The following TRPM1 variants were observed in gnomAD, a reference collection of about 807,000 sequenced individuals.
TRPM1 encodes the protein transient receptor potential cation channel subfamily M member 1.
A neutral mutation model predicts 149.4 loss-of-function variants in TRPM1; 113 were observed. That is an observed-to-expected ratio of 0.76 (90% CI 0.65 to 0.88). The LOEUF (loss-of-function observed/expected upper bound fraction) is 0.88, where lower values mean the gene tolerates loss of function less well. Among genes scored for constraint, TRPM1 ranks in the 40% least tolerant of loss-of-function variants. TRPM1 has a pLI of 0.00. For missense variants in TRPM1, 1,976 were observed against 2,038.7 expected, an observed-to-expected ratio of 0.97 and a Z score of 0.59; for synonymous variants, 741 against 759.5, an observed-to-expected ratio of 0.98 and a Z score of 0.40.
chr15:31,079,078 A>G (rs2338863), intron 2 of TRPM1, among the ~76,000 whole-genome samples: 70,656 of 152,008 alleles, frequency 0.46, 17,081 homozygotes, highest in East Asian at 0.78. Flanking sequence ...AGCTAAAATT[A>G]AAGTTATCAG....
chr15:31,043,697 C>T (rs1277144707), intron 16 of TRPM1, among the ~76,000 whole-genome samples: 1 of 151,946 alleles, frequency 6.6e-6, no homozygotes, highest in East Asian at 1.9e-4. Context: ...CATAGATTTT[C>T]AAGAATATAT....
chr15:31,021,476 G>A (rs183826769), intron 27 of TRPM1, among the ~76,000 whole-genome samples: 3 of 152,228 alleles, frequency 2.0e-5, no homozygotes, highest in South Asian at 2.1e-4. Flanking sequence ...CGGGAGGACC[G>A]CTTGAGGCCA....
In TRPM1 at chr15:31,076,948, G is replaced by T. The variant is rs944717036; in HGVS notation, c.40C>A (p.Arg14=). ...KSWIEKTFCK[R]ECIFVIPSMK... is the part of the protein sequence containing the mutation. ...CTAGGAATTACAAAGATACATTCCC[G>T]TTTGCAAAAGGTTTTCTCTATCCAA... Residue 14 remains arginine, a synonymous_variant, in exon 3 of 28, where the codon CGG becomes AGG. Transcript: ENST00000256552. 6.2e-7 allele frequency: 1 copy of T among 1,612,536 alleles called. No individual in the cohort carries two copies. Among genetic ancestry groups the T allele is most frequent in the Admixed American group, 1.7e-5 (1 of 60,014 alleles).
chr15:31,026,263 G>C lies in TRPM1; in HGVS notation c.3505C>G (p.Leu1169Val), dbSNP rs1329548759. 6.2e-7 allele frequency: 1 copy of C among 1,610,782 alleles called. No homozygotes were observed. Among genetic ancestry groups the C allele is most frequent in the Non-Finnish European group, 8.5e-7 (1 of 1,180,020 alleles). Residue 1169 changes from leucine to valine, a missense_variant, in exon 27 of 28, where the codon CTT (leucine) becomes GTT (valine). Leu to Val is a conservative substitution (Grantham distance 32, BLOSUM62 1). Coordinates refer to ENST00000256552, the MANE Select transcript of TRPM1 (RefSeq NM_001252024.2). ...EERDRGLKLF[L>V]SDEELKRLHE... ...AGCCTCTTTAGCTCCTCGTCGCTAA[G>C]GAAGAGCTCTGTGTGAAGGGAGAAG...
At chr15:31,104,090 G>A (rs987617960), upstream of TRPM1, among the ~76,000 whole-genome samples, 9 of 152,104 alleles carry the variant, frequency 5.9e-5, no homozygotes, top group Non-Finnish European at 1.0e-4. Flanking sequence ...CTGTGGAGCC[G>A]TCTGAGGACA....
chr15:31,032,871 T>A lies in TRPM1; in HGVS notation c.2770A>T (p.Thr924Ser). The change falls in exon 22 of 28, where the codon ACA (threonine) becomes TCA (serine). Residue 924 changes from threonine (T) to serine (S), a missense_variant. Around this residue, in one of 3 missense-constraint regions of TRPM1, gnomAD observed 1,332 missense variants for 1,347.1 expected, o/e 0.99. Transcript: ENST00000256552. Reference protein sequence around the residue: ...KVWLQEYWNITDLVAISTFMI... With the variant: ...KVWLQEYWNISDLVAISTFMI... ...AATGTGGAAATGGCCACGAGATCTG[T>A]GATGTTCCAGTACTCCTGAAGCCAA... 6 of 1,614,158 alleles carry A rather than the reference T, an allele frequency of 3.7e-6. No individual in the cohort carries two copies. Among genetic ancestry groups the A allele is most frequent in the Non-Finnish European group, 5.1e-6 (6 of 1,180,028 alleles).
At position 31,050,487 on chromosome 15, in the gene TRPM1, C is replaced by A; in HGVS notation, c.1359G>T (p.Gly453=). 6.2e-7 allele frequency: 1 copy of A among 1,614,138 alleles called. No individual in the cohort carries two copies. The highest frequency in any genetic ancestry group is 1.1e-5 in the South Asian group (1 of 91,082). Residue 453 remains glycine (G), a synonymous_variant, in exon 12 of 28, where the codon GGG becomes GGT. Coordinates refer to ENST00000256552, the MANE Select transcript of TRPM1 (RefSeq NM_001252024.2). ...TCACTTTCCCTTTCTTCTTGCCTTTCCCTTTTCCTCTTCCTCCCTTGGTGG... is the reference window on the plus strand; with the variant it reads ...TCACTTTCCCTTTCTTCTTGCCTTTACCTTTTCCTCTTCCTCCCTTGGTGG... ...MATTKGGRGK[G]KGKKKGKVKE...
At chr15:31,091,249 A>T (rs561478766) in intron 1 of TRPM1, among the ~76,000 whole-genome samples, 1 of 152,172 alleles carries the variant, frequency 6.6e-6, no homozygotes, top group South Asian at 2.1e-4. Flanking sequence ...TGAGACAGAG[A>T]TGCTTCACTC....
chr15:31,007,410 C>A (rs1404244956), intron 27 of TRPM1, among the ~76,000 whole-genome samples: 1 of 152,078 alleles, frequency 6.6e-6, no homozygotes, highest in Admixed American at 6.5e-5. Flanking sequence ...TCACAGTAAG[C>A]CTTAAAACTG....
In TRPM1 at chr15:31,002,992, G is replaced by A. The variant is rs1320943149; in HGVS notation, c.3708C>T (p.Asp1236=). The change falls in exon 28 of 28, where the codon GAC becomes GAT. Residue 1236 remains aspartate (D), a synonymous_variant. Coordinates refer to ENST00000256552, the MANE Select transcript of TRPM1 (RefSeq NM_001252024.2). ...ATTCTTCTAGCTGAGCAAGTCGAAG[G>A]TCAACAGTCTGCAGGGAAGTTTTCA... The part of the protein sequence containing the change: ...TFMKTSLQTV[D]LRLAQLEELS... 6.3e-7 allele frequency: 1 copy of A among 1,594,284 alleles called. No homozygotes were observed. Among genetic ancestry groups the A allele is most frequent in the South Asian group, 1.2e-5 (1 of 86,602 alleles).
chr15:31,113,046 C>T (rs546898443), intron 1 of TRPM1, among the ~76,000 whole-genome samples: 5 of 152,212 alleles, frequency 3.3e-5, no homozygotes, highest in Non-Finnish European at 7.3e-5. Context: ...TTCCTGAAGT[C>T]CCATTCAGAA....
At chr15:31,011,666 CTTT>C (rs71106664) in intron 27 of TRPM1, among the ~76,000 whole-genome samples, 5 of 138,890 alleles carry the variant, frequency 3.6e-5, no homozygotes, top group East Asian at 2.1e-4. Context: ...ATGCCAATTA[CTTT>C]TTTTTTTTTT....
At chr15:31,116,841 C>G (rs904209141) in intron 1 of TRPM1, among the ~76,000 whole-genome samples, 3 of 152,128 alleles carry the variant, frequency 2.0e-5, no homozygotes, top group Non-Finnish European at 4.4e-5. Context: ...TAATCCCTGG[C>G]CAGATAAACA....
At chr15:31,125,989 G>A (rs562426328) in intron 1 of TRPM1, among the ~76,000 whole-genome samples, 29 of 151,454 alleles carry the variant, frequency 1.9e-4, no homozygotes, top group East Asian at 1.4e-3. Flanking sequence ...AAAAATAGCC[G>A]GGCATGGTGG....
intron 1 of TRPM1, among the ~76,000 whole-genome samples, chr15:31,083,083 G>A (rs893543667): frequency 6.6e-6 from 1 of 152,182 alleles, no homozygotes. Flanking sequence ...TTTGGTCTGG[G>A]AGGACATGGC....
At chr15:31,098,233 G>A (rs1450884968) in intron 1 of TRPM1, among the ~76,000 whole-genome samples, 1 of 152,160 alleles carries the variant, frequency 6.6e-6, no homozygotes, top group Non-Finnish European at 1.5e-5. Context: ...CTGAGGTCAG[G>A]AGTTTGAGAC....
intron 1 of TRPM1, among the ~76,000 whole-genome samples, chr15:31,093,256 G>C (rs2035288009): frequency 1.9e-5 from 1 of 51,856 alleles, no homozygotes; most frequent in African/African-American, 9.1e-5. Context: ...GTGAGACTTT[G>C]TCTCAAAAAA....
chr15:31,113,425 T>G lies in TRPM1; in HGVS notation c.55-36441A>C, dbSNP rs1232713262. On this transcript the variant is annotated intron_variant, in intron 1 of 26. Coordinates refer to the TRPM1 transcript ENST00000542188. Reference sequence around the variant, plus strand: ...ATGCATACAGAATTCAATACCCAGCTCTGACAGTTTTTTTTTTTTCAAAAT... The same window carrying G: ...ATGCATACAGAATTCAATACCCAGCGCTGACAGTTTTTTTTTTTTCAAAAT... Among the ~76,000 whole-genome samples, 4 of 105,372 alleles carry G rather than the reference T, an allele frequency of 3.8e-5. No homozygotes were observed. The East Asian group carries it at 1.5e-3, about 40-fold the overall frequency. The allele number at this position is 105,372 out of a possible 152,430, so 69.1% of individuals were successfully genotyped here. A position where few individuals can be genotyped will look rare whatever the true frequency, so the allele number is the denominator to read the frequency against.
At chr15:31,133,305 T>A (rs1358034447) in intron 1 of TRPM1, among the ~76,000 whole-genome samples, 3 of 151,650 alleles carry the variant, frequency 2.0e-5, no homozygotes, top group Admixed American at 2.0e-4. Context: ...CAGTGGTGTG[T>A]TCCTGTAGTC....
Sources: gnomAD v4.1 joint callset for allele counts (sites outside exome capture counted in the v4.1 genomes callset) on GRCh38, gnomAD v4.1.1 for gene constraint, gnomAD v4.1.1 regional missense constraint, MANE v1.5 for transcripts, NCBI Gene and HGNC (gene_info 2026-07-23, HGNC 2026-07-21) for gene names.